The following LDLRAD4 variants were observed in gnomAD, a reference collection of about 807,000 sequenced individuals.
LDLRAD4 encodes the protein low-density lipoprotein receptor class A domain-containing protein 4.
In LDLRAD4, 5 loss-of-function variants were observed where a neutral mutation model predicts 17.0. The ratio of observed to expected loss-of-function variants is 0.29; its 90% CI spans 0.15 to 0.62. The LOEUF (loss-of-function observed/expected upper bound fraction) is 0.62. Among genes scored for constraint, LDLRAD4 ranks in the 20% least tolerant of loss-of-function variants. LDLRAD4 has a pLI of 0.84. For missense variants in LDLRAD4, 340 were observed against 424.7 expected (o/e 0.80, Z 1.75); for synonymous variants, 168 against 171.8 (o/e 0.98, Z 0.17).
intron 3 of LDLRAD4, among the ~76,000 whole-genome samples, chr18:13,470,480 A>C (rs762875824): frequency 2.0e-4 from 30 of 150,060 alleles, no homozygotes; most frequent in Non-Finnish European, 3.5e-4. Context: ...CACGTAATTC[A>C]TGTCTGCCAC....
At chr18:13,450,537 T>A (rs2091766928) in intron 3 of LDLRAD4, among the ~76,000 whole-genome samples, 1 of 152,194 alleles carries the variant, frequency 6.6e-6, no homozygotes, top group South Asian at 2.1e-4. Context: ...GGTATTTTTC[T>A]GAGTATTGAA....
intron 3 of LDLRAD4, among the ~76,000 whole-genome samples, chr18:13,578,589 G>A (rs2094807253): frequency 2.0e-5 from 3 of 152,198 alleles, no homozygotes; most frequent in Admixed American, 2.0e-4. Context: ...GGAAGAAGGC[G>A]TGCCCACCTG....
intron 4 of LDLRAD4, among the ~76,000 whole-genome samples, chr18:13,628,071 G>A (rs1284338779): frequency 6.6e-6 from 1 of 152,044 alleles, no homozygotes; most frequent in African/African-American, 2.4e-5. Flanking sequence ...TCCCTCGGAG[G>A]GCACAGGGAG....
At chr18:13,458,024 T>C (rs1238144485) in intron 3 of LDLRAD4, among the ~76,000 whole-genome samples, 1 of 152,226 alleles carries the variant, frequency 6.6e-6, no homozygotes, top group Non-Finnish European at 1.5e-5. Context: ...CGTGTTCTCA[T>C]GACTTCTTTG....
chr18:13,311,687 A>G (rs1375286572), intron 1 of LDLRAD4, among the ~76,000 whole-genome samples: 1 of 152,212 alleles, frequency 6.6e-6, no homozygotes, highest in African/African-American at 2.4e-5. Context: ...TGTGGAGGGT[A>G]TGCCCAAAGG....
upstream of LDLRAD4, among the ~76,000 whole-genome samples, chr18:13,277,665 C>A (rs570755920): frequency 6.6e-6 from 1 of 152,182 alleles, no homozygotes; most frequent in Non-Finnish European, 1.5e-5. Context: ...GGGGCCTGCC[C>A]GTCTTAGGTG....
At chr18:13,251,655 T>G (rs2043226853) in intron 1 of LDLRAD4, among the ~76,000 whole-genome samples, 1 of 152,140 alleles carries the variant, frequency 6.6e-6, no homozygotes, top group African/African-American at 2.4e-5. Flanking sequence ...AGGGATAAAC[T>G]TTACCAAGGA....
At chr18:13,244,193 A>C (rs1046468740) in intron 1 of LDLRAD4, among the ~76,000 whole-genome samples, 1 of 124,192 alleles carries the variant, frequency 8.1e-6, no homozygotes, top group Non-Finnish European at 1.6e-5. Context: ...TCCACCATCC[A>C]TTCATCCATC....
chr18:13,272,738 C>G (rs1208104339), intron 1 of LDLRAD4, among the ~76,000 whole-genome samples: 1 of 152,242 alleles, frequency 6.6e-6, no homozygotes, highest in Non-Finnish European at 1.5e-5. Flanking sequence ...CATGGTCACT[C>G]TGCATGGCAG....
At chr18:13,235,830 C>T (rs568767610) in intron 1 of LDLRAD4, among the ~76,000 whole-genome samples, 53 of 152,208 alleles carry the variant, frequency 3.5e-4, no homozygotes, top group Admixed American at 9.2e-4. Flanking sequence ...TCCTTGCCTC[C>T]GTTAGGAATC....
chr18:13,228,779 A>G (rs2041931768), intron 1 of LDLRAD4, among the ~76,000 whole-genome samples: 1 of 152,218 alleles, frequency 6.6e-6, no homozygotes, highest in Non-Finnish European at 1.5e-5. Context: ...GTTTACTTCT[A>G]AACTAGACGT....
rs148087938 is a variant in LDLRAD4, at chr18:13,503,168, C to T, written c.181+64784C>T. On this transcript the variant is annotated intron_variant, in intron 3 of 5. Coordinates refer to ENST00000359446, the Ensembl canonical transcript of LDLRAD4. ...GTACAACTGAAAGTGGAGATGGATA[C>T]TAGGGGCATTTAACGTTTTAAGCTT... Among the ~76,000 whole-genome samples the T allele has an allele frequency of 7.2e-5, 11 of 152,318 alleles. No homozygotes were observed. The East Asian group carries it at 2.1e-3, about 29-fold the overall frequency.
intron 1 of LDLRAD4, among the ~76,000 whole-genome samples, chr18:13,271,060 C>T (rs2044507854): frequency 6.6e-6 from 1 of 152,002 alleles, no homozygotes; most frequent in African/African-American, 2.4e-5. Context: ...GGAGAACGAC[C>T]AATAATATAT....
intron 4 of LDLRAD4, among the ~76,000 whole-genome samples, chr18:13,639,991 TAAAG>T (rs1301030580): frequency 6.6e-5 from 10 of 152,172 alleles, no homozygotes; most frequent in Non-Finnish European, 1.2e-4. Flanking sequence ...GAAAAGCACT[TAAAG>T]AAAGAAACTG....
chr18:13,623,951 C>G (rs772167237), intron 4 of LDLRAD4, among the ~76,000 whole-genome samples: 1 of 152,200 alleles, frequency 6.6e-6, no homozygotes, highest in Non-Finnish European at 1.5e-5. Context: ...TCAGGAGTCT[C>G]GATCAGGGCT....
At chr18:13,548,122 G>T (rs1406131742) in intron 3 of LDLRAD4, among the ~76,000 whole-genome samples, 1 of 152,184 alleles carries the variant, frequency 6.6e-6, no homozygotes, top group Non-Finnish European at 1.5e-5. Context: ...CAGAGTGGGT[G>T]GCTCCTCTCT....
chr18:13,406,493 G>A (rs1466543853), intron 2 of LDLRAD4, among the ~76,000 whole-genome samples: 1 of 152,182 alleles, frequency 6.6e-6, no homozygotes, highest in Non-Finnish European at 1.5e-5. Context: ...ATAGTCAGGA[G>A]GACCTCATTC....
At chr18:13,461,199 C>G (rs1294602998) in intron 3 of LDLRAD4, 1 of 152,380 alleles carries the variant, frequency 6.6e-6, no homozygotes, top group African/African-American at 2.4e-5. Context: ...TCCACGCGTG[C>G]TGGGCTAGTA....
chr18:13,534,792 T>G (rs2147868633), intron 3 of LDLRAD4, among the ~76,000 whole-genome samples: 1 of 152,318 alleles, frequency 6.6e-6, no homozygotes, highest in South Asian at 2.1e-4. Flanking sequence ...CACAGAACAG[T>G]CTTATCTCCC....
Sources: allele counts gnomAD v4.1 joint callset (sites outside exome capture counted in the v4.1 genomes callset), GRCh38; gene constraint gnomAD v4.1.1; transcripts MANE v1.5; gene names NCBI Gene and HGNC (gene_info 2026-07-23, HGNC 2026-07-21).